Variants in GRIK2 observed in about 807,000 individuals in gnomAD.
GRIK2 encodes glutamate ionotropic receptor kainate type subunit 2.
Under a neutral mutation model 100.3 loss-of-function variants are expected in GRIK2, and 32 were observed. The ratio of observed to expected loss-of-function variants is 0.32; its 90% CI spans 0.24 to 0.43. The LOEUF is 0.43. GRIK2 is among the 20% of genes least tolerant of loss of function. GRIK2 has a pLI of 1.00. For missense variants in GRIK2, 843 were observed against 1,114.9 expected (o/e 0.76, Z 3.47); for synonymous variants, 417 against 389.4 (o/e 1.07, Z -0.83).
intron 14 of GRIK2, among the ~76,000 whole-genome samples, chr6:101,974,619 G>C (rs1385097748): frequency 6.6e-6 from 1 of 151,998 alleles, no homozygotes; most frequent in East Asian, 1.9e-4. Context: ...TCTTTTCTGA[G>C]AAATCTTAGA....
chr6:101,926,205 T>G (rs1254249641), intron 13 of GRIK2, among the ~76,000 whole-genome samples: 2 of 149,296 alleles, frequency 1.3e-5, no homozygotes, highest in Admixed American at 6.7e-5. Flanking sequence ...GTTTTTTTTT[T>G]TTTTTTTTTT....
chr6:101,394,016 G>C (rs1051643556), intron 1 of GRIK2, among the ~76,000 whole-genome samples, 179 bp downstream of exon 1: 1 of 152,236 alleles, frequency 6.6e-6, no homozygotes, highest in Non-Finnish European at 1.5e-5. Context: ...CGGATTCACT[G>C]CGAGTCTTTG....
At chr6:101,506,984 C>G (rs1774055042) in intron 2 of GRIK2, among the ~76,000 whole-genome samples, 1 of 152,046 alleles carries the variant, frequency 6.6e-6, no homozygotes, top group Non-Finnish European at 1.5e-5. Context: ...GAAAGGAGAG[C>G]CTATGACATC....
At chr6:101,729,223 A>G (rs540101083) in intron 7 of GRIK2, among the ~76,000 whole-genome samples, 2 of 152,152 alleles carry the variant, frequency 1.3e-5, no homozygotes, top group African/African-American at 4.8e-5. Context: ...ACCATTTAGC[A>G]TCAGTAACAT....
chr6:101,794,184 C>T (rs571105511), intron 7 of GRIK2, among the ~76,000 whole-genome samples: 1 of 152,134 alleles, frequency 6.6e-6, no homozygotes, highest in Non-Finnish European at 1.5e-5. Context: ...ATGCCTCGCC[C>T]TGCTTCGGCT....
At chr6:101,551,969 G>A (rs1317640865) in intron 2 of GRIK2, among the ~76,000 whole-genome samples, 1 of 152,176 alleles carries the variant, frequency 6.6e-6, no homozygotes, top group Non-Finnish European at 1.5e-5. Context: ...AAGGCAGTAA[G>A]GTAATAAGTA....
intron 14 of GRIK2, among the ~76,000 whole-genome samples, chr6:101,955,495 A>G (rs973375858): frequency 1.2e-4 from 18 of 151,896 alleles, no homozygotes; most frequent in African/African-American, 4.4e-4. Flanking sequence ...CATATCTAAA[A>G]GAGAAACAAA....
chr6:101,724,645 G>A (rs1774734037), intron 7 of GRIK2, among the ~76,000 whole-genome samples: 1 of 151,816 alleles, frequency 6.6e-6, no homozygotes, highest in African/African-American at 2.4e-5. Context: ...TAGATTTATG[G>A]GATTCATCAA....
chr6:101,699,687 C>T (rs779701662), intron 7 of GRIK2, among the ~76,000 whole-genome samples: 2 of 152,058 alleles, frequency 1.3e-5, no homozygotes, highest in African/African-American at 2.4e-5. Context: ...GAGTGAAGGA[C>T]AGAGCAGTGT....
chr6:101,434,030 C>A (rs1562134827), intron 2 of GRIK2, among the ~76,000 whole-genome samples: 1 of 152,152 alleles, frequency 6.6e-6, no homozygotes, highest in Non-Finnish European at 1.5e-5. Context: ...TTACTGTAGC[C>A]CGCTGACACG....
At chr6:102,032,245 G>A (rs1197124144) in intron 14 of GRIK2, among the ~76,000 whole-genome samples, 2 of 151,190 alleles carry the variant, frequency 1.3e-5, no homozygotes, top group African/African-American at 4.8e-5. Flanking sequence ...TCAAAGGGTT[G>A]GGTCCAGGCC....
rs144667225 is a variant in GRIK2, at chr6:101,936,968, T to C, written c.2085+8336T>C. 5.7e-4 allele frequency among the ~76,000 whole-genome samples: 87 copies of C among 152,220 alleles called. 1 individual carries two copies. Among genetic ancestry groups the C allele is most frequent in the African/African-American group, 2.0e-3 (83 of 41,554 alleles). Reference sequence around the variant, plus strand: ...AAAGCAATAACACCATTTTAGGAATTATAAGAAGTGATTAGGTTTTTAGCG... The same window carrying C: ...AAAGCAATAACACCATTTTAGGAATCATAAGAAGTGATTAGGTTTTTAGCG... On this transcript the variant is annotated intron_variant, in intron 14 of 16. Coordinates refer to ENST00000369134, the MANE Select transcript of GRIK2 (RefSeq NM_021956.5).
intron 2 of GRIK2, among the ~76,000 whole-genome samples, chr6:101,585,738 T>C (rs1778327546): frequency 6.6e-6 from 1 of 152,024 alleles, no homozygotes; most frequent in African/African-American, 2.4e-5. Context: ...TGAGCAATGA[T>C]GAACAAAGAA....
chr6:101,399,587 G>A (rs1041603695), intron 2 of GRIK2, among the ~76,000 whole-genome samples, 195 bp downstream of exon 2: 1 of 152,138 alleles, frequency 6.6e-6, no homozygotes, highest in African/African-American at 2.4e-5. Flanking sequence ...AGCCGCGGGA[G>A]GGTGAAGGGA....
At chr6:101,683,222 A>G (rs964398926) in intron 6 of GRIK2, among the ~76,000 whole-genome samples, 5 of 152,018 alleles carry the variant, frequency 3.3e-5, no homozygotes, top group Non-Finnish European at 7.4e-5. Context: ...AAAGAAAAGA[A>G]TAAGACAAGA....
intron 11 of GRIK2, among the ~76,000 whole-genome samples, chr6:101,862,171 C>T (rs1412085747): frequency 6.6e-6 from 1 of 151,926 alleles, no homozygotes; most frequent in Non-Finnish European, 1.5e-5. Flanking sequence ...AATGAGATTA[C>T]AGGGAGGGAA....
chr6:101,636,299 G>C (rs1001048895), intron 4 of GRIK2, among the ~76,000 whole-genome samples: 1 of 152,128 alleles, frequency 6.6e-6, no homozygotes, highest in East Asian at 1.9e-4. Context: ...GGAGTTGAAC[G>C]ATGAGAACAC....
intron 14 of GRIK2, among the ~76,000 whole-genome samples, chr6:102,000,744 A>G (rs987968054): frequency 2.0e-5 from 3 of 152,118 alleles, no homozygotes; most frequent in Non-Finnish European, 2.9e-5. Flanking sequence ...CACTTCTCGC[A>G]TTCCTGCTAC....
At chr6:101,523,720 C>CTTTTTTTTTTTTTTTTTTTTT (rs1163558120) in intron 2 of GRIK2, among the ~76,000 whole-genome samples, 1 of 121,546 alleles carries the variant, frequency 8.2e-6, no homozygotes, top group Non-Finnish European at 1.7e-5. Flanking sequence ...ACTCCTAAGT[C>CTTTTTTTTTTTTTTTTTTTTT]TTTTTTTTTT....
Sources: allele counts gnomAD v4.1 joint callset (sites outside exome capture counted in the v4.1 genomes callset), GRCh38; gene constraint gnomAD v4.1.1; transcripts MANE v1.5; gene names NCBI Gene and HGNC (gene_info 2026-07-23, HGNC 2026-07-21).